CLN8: variants seen among roughly 807,000 people sequenced by gnomAD.
CLN8 encodes protein CLN8.
A neutral mutation model predicts 15.7 loss-of-function variants in CLN8; 14 were observed. The observed-to-expected ratio is 0.89, with a 90% CI of 0.59 to 1.39. The LOEUF (loss-of-function observed/expected upper bound fraction) is 1.39. CLN8 is among the 40% of genes most tolerant of loss of function. CLN8 has a pLI of 0.00. For synonymous variants in CLN8, 188 were observed against 151.0 expected, an observed-to-expected ratio of 1.25 and a Z score of -1.80; for missense variants, 415 against 364.0, an observed-to-expected ratio of 1.14 and a Z score of -1.14.
chr8:1,771,141 C>T lies in CLN8; in HGVS notation c.87C>T (p.Val29=), dbSNP rs753737213. The change falls in exon 2 of 3, where the codon GTC becomes GTT. Residue 29 remains valine, a synonymous_variant. Transcript: ENST00000331222. ...ASWGIRSTLM[V]AGFVFYLGVF... ...GGGGGATCCGCTCCACGCTGATGGT[C>T]GCTGGCTTTGTCTTCTACTTGGGCG... 17 of 1,613,928 alleles carry T rather than the reference C, an allele frequency of 1.1e-5. No individual in the cohort carries two copies. The highest frequency in any genetic ancestry group is 2.2e-5 in the East Asian group (1 of 44,858).
At chr8:1,780,143 G>T in intron 2 of CLN8, 107 bp from the exon 3 acceptor site, 1 of 1,592,046 alleles carries the variant, frequency 6.3e-7, no homozygotes, top group Non-Finnish European at 8.5e-7. Context: ...GCTTTGAAAT[G>T]AATTTGTTTT....
At chr8:1,753,568 TCAAAAAA>T (rs1800600503), upstream of CLN8, among the ~76,000 whole-genome samples, 1 of 27,226 alleles carries the variant, frequency 3.7e-5, no homozygotes, top group African/African-American at 8.7e-5. Context: ...TGAAACTGTT[TCAAAAAA>T]AAAAAAAAAA....
chr8:1,778,809 A>AT (rs940130665), intron 2 of CLN8, among the ~76,000 whole-genome samples: 7 of 152,026 alleles, frequency 4.6e-5, no homozygotes, highest in Non-Finnish European at 5.9e-5. Flanking sequence ...CCTCACATTA[A>AT]TTTTTTCAGT....
At chr8:1,766,162 T>C (rs368605861) in intron 1 of CLN8, among the ~76,000 whole-genome samples, 45 of 152,268 alleles carry the variant, frequency 3.0e-4, no homozygotes, top group African/African-American at 9.4e-4. Flanking sequence ...CCCAGTGCAA[T>C]AGAAGAGCTG....
chr8:1,761,073 GCA>G (rs1800785499), upstream of CLN8, among the ~76,000 whole-genome samples: 1 of 132,270 alleles, frequency 7.6e-6, no homozygotes. Context: ...AGGCTGGAGT[GCA>G]GTGGCATGAT....
chr8:1,761,082 T>A (rs1465752722), upstream of CLN8, among the ~76,000 whole-genome samples: 1 of 132,020 alleles, frequency 7.6e-6, no homozygotes, highest in African/African-American at 2.9e-5. Flanking sequence ...TGCAGTGGCA[T>A]GATCTCGGCT....
At chr8:1,765,332 T>C (rs1191831423) in intron 1 of CLN8, 4 of 152,228 alleles carry the variant, frequency 2.6e-5, no homozygotes, top group South Asian at 4.1e-4. Context: ...TCCCCTTTTA[T>C]GTAAAAAGAA....
intron 2 of CLN8, among the ~76,000 whole-genome samples, chr8:1,775,721 G>GT (rs1801485891): frequency 6.6e-6 from 1 of 152,208 alleles, no homozygotes; most frequent in Non-Finnish European, 1.5e-5. Flanking sequence ...GTACTGTACA[G>GT]TTCATCACTG....
chr8:1,774,436 A>G (rs985430595), intron 2 of CLN8, among the ~76,000 whole-genome samples: 3 of 152,218 alleles, frequency 2.0e-5, no homozygotes, highest in African/African-American at 4.8e-5. Flanking sequence ...AGAAAACACT[A>G]TGTCTAAAAT....
chr8:1,772,940 A>G (rs945662942), intron 2 of CLN8: 6 of 398,494 alleles, frequency 1.5e-5, no homozygotes, highest in Non-Finnish European at 2.7e-5. Flanking sequence ...GGTAGCCTCG[A>G]GAGGAAAAAT....
At position 1,780,421 on chromosome 8, in the gene CLN8, G is replaced by A; in HGVS notation, c.715G>A (p.Ala239Thr). Residue 239 changes from alanine to threonine, a missense_variant, in exon 3 of 3, where the codon GCT becomes ACT. By Grantham distance (58) the Ala-to-Thr change is moderately conservative. Coordinates refer to ENST00000331222, the MANE Select transcript of CLN8 (RefSeq NM_018941.4). The stretch of plus-strand genomic sequence containing the variant: ...TTTGACACTGTTCCTTGTCGGACTG[G>A]CTCTGCTTACGCTAATCATTAATCC... The part of the protein sequence containing the change: ...PHLTLFLVGL[A>T]LLTLIINPYW... The A allele has an allele frequency of 6.2e-7, 1 of 1,614,208 alleles. No individual in the cohort carries two copies. The highest frequency in any genetic ancestry group is 8.5e-7 in the Non-Finnish European group (1 of 1,180,040).
chr8:1,761,786 C>T (rs1449437360), upstream of CLN8, among the ~76,000 whole-genome samples: 2 of 152,236 alleles, frequency 1.3e-5, no homozygotes, highest in African/African-American at 4.8e-5. Flanking sequence ...GCCAGTTTAT[C>T]CATCTGGATG....
At chr8:1,769,062 A>G (rs540288838) in intron 1 of CLN8, among the ~76,000 whole-genome samples, 12 of 152,232 alleles carry the variant, frequency 7.9e-5, no homozygotes, top group Non-Finnish European at 1.5e-4. Flanking sequence ...AGGGAGAAAC[A>G]TGAGTACCAG....
Position 1,780,243 on chromosome 8 carries a change from C to T in CLN8, c.544-7C>T. The stretch of plus-strand genomic sequence containing the variant: ...TTGACTTGTGCATTTGTCTTCTCTC[C>T]ATGCAGGCGGGCTGGTCCGAGTCTC... On this transcript the variant is annotated splice_region_variant and splice_polypyrimidine_tract_variant and intron_variant, in intron 2 of 2. Transcript: ENST00000331222. 1 of 1,614,262 alleles carries T rather than the reference C, an allele frequency of 6.2e-7. No homozygotes were observed. Among genetic ancestry groups the T allele is most frequent in the African/African-American group, 1.3e-5 (1 of 75,058 alleles).
chr8:1,780,692 T>C lies in CLN8; in HGVS notation c.*125T>C, dbSNP rs1284874632. 1.2e-6 allele frequency: 1 copy of C among 837,290 alleles called. No individual in the cohort carries two copies. Among genetic ancestry groups the C allele is most frequent in the African/African-American group, 1.7e-5 (1 of 58,420 alleles). The allele number at this position is 837,290 out of a possible 1,614,324, so 51.9% of individuals were successfully genotyped here. A position where few individuals can be genotyped will look rare whatever the true frequency, so the allele number is the denominator to read the frequency against. ...TTGTGTTTACTTCTAAGGGAAATAC[T>C]AACTTTCTTTCGCATTAGTATTAAT... On this transcript the variant is annotated 3_prime_UTR_variant, in exon 3 of 3. Coordinates refer to ENST00000331222, the MANE Select transcript of CLN8 (RefSeq NM_018941.4).
At chr8:1,770,722 T>C (rs984051235) in intron 1 of CLN8, among the ~76,000 whole-genome samples, 1 of 152,196 alleles carries the variant, frequency 6.6e-6, no homozygotes, top group African/African-American at 2.4e-5. Flanking sequence ...CGGCCTCCTG[T>C]TCGTGGCTGG....
At chr8:1,760,896 C>G (rs1800779646), upstream of CLN8, among the ~76,000 whole-genome samples, 1 of 151,948 alleles carries the variant, frequency 6.6e-6, no homozygotes, top group Non-Finnish European at 1.5e-5. Context: ...AAAAGCCAAG[C>G]TACGTGTAAG....
At chr8:1,768,590 G>C (rs1158380710) in intron 1 of CLN8, among the ~76,000 whole-genome samples, 1 of 152,186 alleles carries the variant, frequency 6.6e-6, no homozygotes. Context: ...AGTTTTACGA[G>C]GGGTCCATAT....
chr8:1,767,193 A>G (rs913579483), intron 1 of CLN8, among the ~76,000 whole-genome samples: 1 of 152,236 alleles, frequency 6.6e-6, no homozygotes, highest in Non-Finnish European at 1.5e-5. Flanking sequence ...AACGAGTTAG[A>G]CTAGAACAGC....
Sources: allele counts gnomAD v4.1 joint callset (sites outside exome capture counted in the v4.1 genomes callset), GRCh38; gene constraint gnomAD v4.1.1; transcripts MANE v1.5; gene names NCBI Gene and HGNC (gene_info 2026-07-23, HGNC 2026-07-21).